Variants in UBE2K observed in about 807,000 individuals in gnomAD.
UBE2K encodes the protein ubiquitin-conjugating enzyme E2 K.
UBE2K carries 6 observed loss-of-function variants against 30.0 expected under a neutral mutation model. The ratio of observed to expected loss-of-function variants is 0.20; its 90% CI spans 0.11 to 0.39. UBE2K has a LOEUF of 0.39. Ranked by LOEUF, UBE2K falls within the 10% of genes least tolerant of loss-of-function variation. UBE2K has a pLI of 1.00. For synonymous variants in UBE2K, 86 were observed against 83.7 expected, an observed-to-expected ratio of 1.03 and a Z score of -0.15; for missense variants, 61 against 241.6, an observed-to-expected ratio of 0.25 and a Z score of 4.96.
intron 1 of UBE2K, among the ~76,000 whole-genome samples, chr4:39,703,939 A>G (rs187141979): frequency 9.7e-4 from 147 of 152,154 alleles, no homozygotes; most frequent in Non-Finnish European, 7.5e-4. Context: ...GACAGTAAAG[A>G]CAAAAAATAT....
At chr4:39,773,581 A>T (rs1456051090) in intron 4 of UBE2K, among the ~76,000 whole-genome samples, 1 of 152,144 alleles carries the variant, frequency 6.6e-6, no homozygotes, top group African/African-American at 2.4e-5. Context: ...TTATCACTTT[A>T]ACTTTGTTTA....
intron 4 of UBE2K, among the ~76,000 whole-genome samples, chr4:39,764,318 G>A (rs1712163176): frequency 6.6e-6 from 1 of 152,112 alleles, no homozygotes; most frequent in Non-Finnish European, 1.5e-5. Flanking sequence ...ATTCAATCAG[G>A]CAGAAAAGTG....
At chr4:39,762,691 A>G (rs967895993) in intron 4 of UBE2K, among the ~76,000 whole-genome samples, 10 of 152,196 alleles carry the variant, frequency 6.6e-5, no homozygotes, top group East Asian at 1.9e-4. Context: ...CTGGTGTGCA[A>G]TGGCACAATC....
intron 1 of UBE2K, among the ~76,000 whole-genome samples, chr4:39,705,261 G>A (rs575973005): frequency 2.0e-4 from 26 of 126,976 alleles, no homozygotes; most frequent in African/African-American, 6.9e-4. Context: ...ATGGTGGCAC[G>A]ATCTCAACTC....
intron 2 of UBE2K, among the ~76,000 whole-genome samples, chr4:39,745,252 A>G (rs968716449): frequency 6.6e-6 from 1 of 152,264 alleles, no homozygotes; most frequent in African/African-American, 2.4e-5. Context: ...TTAGGGCACA[A>G]ATGAAAAGAT....
intron 1 of UBE2K, among the ~76,000 whole-genome samples, chr4:39,732,835 C>G (rs1338211301): frequency 6.6e-6 from 1 of 151,642 alleles, no homozygotes; most frequent in African/African-American, 2.4e-5. Flanking sequence ...GCTACCATGC[C>G]CAGTTAATTT....
At chr4:39,764,903 CG>C (rs1176046660) in intron 4 of UBE2K, among the ~76,000 whole-genome samples, 1 of 79,606 alleles carries the variant, frequency 1.3e-5, no homozygotes, top group East Asian at 3.7e-4. Flanking sequence ...TTTTTTTTTT[CG>C]AGACAAGAGT....
At chr4:39,757,473 T>G (rs1247048929) in intron 4 of UBE2K, among the ~76,000 whole-genome samples, 3 of 152,200 alleles carry the variant, frequency 2.0e-5, no homozygotes, top group Non-Finnish European at 2.9e-5. Context: ...GTTTTGTTTT[T>G]TTTTTCTATT....
chr4:39,742,144 A>G (rs1720734748), intron 2 of UBE2K, among the ~76,000 whole-genome samples: 1 of 152,220 alleles, frequency 6.6e-6, no homozygotes, highest in Non-Finnish European at 1.5e-5. Flanking sequence ...AGAACTTTGT[A>G]TGATGGGTTA....
intron 1 of UBE2K, among the ~76,000 whole-genome samples, chr4:39,726,460 A>T (rs1048677448): frequency 1.3e-5 from 2 of 150,598 alleles, no homozygotes; most frequent in African/African-American, 4.9e-5. Context: ...GGCTTAAACA[A>T]TCCTCCTGCC....
At chr4:39,734,758 C>G (rs1720265377) in intron 1 of UBE2K, among the ~76,000 whole-genome samples, 2 of 152,178 alleles carry the variant, frequency 1.3e-5, no homozygotes, top group African/African-American at 4.8e-5. Flanking sequence ...GTGCAGTGAG[C>G]TGAGATCGCA....
At chr4:39,765,908 T>TATATAC (rs1553879994) in intron 4 of UBE2K, among the ~76,000 whole-genome samples, 1 of 149,640 alleles carries the variant, frequency 6.7e-6, no homozygotes, top group Admixed American at 6.7e-5. Flanking sequence ...AGGATATATA[T>TATATAC]ATACATACAT....
chr4:39,738,763 C>T (rs1578458868), intron 2 of UBE2K, among the ~76,000 whole-genome samples: 1 of 152,016 alleles, frequency 6.6e-6, no homozygotes, highest in Non-Finnish European at 1.5e-5. Flanking sequence ...CTGCATCCTC[C>T]ATCTCCCAGA....
At chr4:39,733,324 G>A (rs1720180864) in intron 1 of UBE2K, among the ~76,000 whole-genome samples, 1 of 140,788 alleles carries the variant, frequency 7.1e-6, no homozygotes, top group African/African-American at 2.5e-5. Flanking sequence ...TTGTAAAATC[G>A]GGCTTTAATT....
intron 4 of UBE2K, among the ~76,000 whole-genome samples, chr4:39,769,909 C>T (rs538886954): frequency 2.4e-4 from 36 of 152,272 alleles, no homozygotes; most frequent in African/African-American, 7.7e-4. Flanking sequence ...AGAGCAACAA[C>T]AGTCTTCTCT....
At chr4:39,718,408 G>A (rs1719226401) in intron 1 of UBE2K, among the ~76,000 whole-genome samples, 1 of 152,218 alleles carries the variant, frequency 6.6e-6, no homozygotes, top group African/African-American at 2.4e-5. Flanking sequence ...AGACATAAAG[G>A]TTCTCCAAGT....
At chr4:39,719,434 T>A (rs1346920251) in intron 1 of UBE2K, among the ~76,000 whole-genome samples, 1 of 152,188 alleles carries the variant, frequency 6.6e-6, no homozygotes, top group African/African-American at 2.4e-5. Context: ...CTTGTAGGGT[T>A]CCTTGAATGT....
intron 3 of UBE2K, among the ~76,000 whole-genome samples, chr4:39,748,713 A>T (rs1276680386): frequency 1.3e-5 from 2 of 152,036 alleles, no homozygotes; most frequent in Non-Finnish European, 2.9e-5. Flanking sequence ...ACATCTTCTT[A>T]GGTTCAACCC....
Position 39,741,248 on chromosome 4 carries a change from G to A in UBE2K, c.157+3735G>A, listed in dbSNP as rs142708191. ...ATCGCACCACTGCACTCCAGCCTGGGCGACAGAGGGAGACTGCATCTCAAA... is the reference window on the plus strand; with the variant it reads ...ATCGCACCACTGCACTCCAGCCTGGACGACAGAGGGAGACTGCATCTCAAA... On this transcript the variant is annotated intron_variant, in intron 2 of 6. Transcript: ENST00000261427. 3.9e-5 allele frequency among the ~76,000 whole-genome samples: 6 copies of A among 152,226 alleles called. No individual in the cohort carries two copies. In the East Asian group the frequency reaches 1.2e-3, roughly 29 times the overall value.
Sources: gnomAD v4.1 joint callset for allele counts (sites outside exome capture counted in the v4.1 genomes callset) on GRCh38, gnomAD v4.1.1 for gene constraint, MANE v1.5 for transcripts, NCBI Gene and HGNC (gene_info 2026-07-23, HGNC 2026-07-21) for gene names.